LZTFL1: variants seen among roughly 807,000 people sequenced by gnomAD.
The protein encoded by LZTFL1 is leucine zipper transcription factor-like protein 1.
Under a neutral mutation model 45.9 loss-of-function variants are expected in LZTFL1, and 25 were observed. The observed-to-expected ratio is 0.54, with a 90% confidence interval of 0.40 to 0.76. LZTFL1 has a LOEUF of 0.76. Among genes scored for constraint, LZTFL1 ranks in the 30% least tolerant of loss-of-function variants. The probability of loss-of-function intolerance (pLI) is 0.00; values close to 1 mark genes in which losing one functional copy is unlikely to be tolerated. For synonymous variants in LZTFL1, 93 were observed against 117.4 expected, an observed-to-expected ratio of 0.79 and a Z score of 1.35; for missense variants, 277 against 331.1, an observed-to-expected ratio of 0.84 and a Z score of 1.27.
chr3:45,898,532 C>T (rs776845676), intron 2 of LZTFL1, among the ~76,000 whole-genome samples: 8 of 152,216 alleles, frequency 5.3e-5, no homozygotes, highest in East Asian at 1.9e-4. Context: ...CCTGAAGAGC[C>T]GCCTCCAGGA....
chr3:45,855,938 AT>A (rs1197307641), intron 3 of LZTFL1, among the ~76,000 whole-genome samples: 1 of 152,248 alleles, frequency 6.6e-6, no homozygotes, highest in Non-Finnish European at 1.5e-5. Context: ...ATGCTTATGG[AT>A]AGGAAGAATC....
At chr3:45,839,970 C>T (rs912638501) in intron 1 of LZTFL1, among the ~76,000 whole-genome samples, 2 of 152,230 alleles carry the variant, frequency 1.3e-5, no homozygotes, top group African/African-American at 4.8e-5. Flanking sequence ...GGTACCGTCA[C>T]AGGCTGATTA....
Position 45,900,722 on chromosome 3 carries a change from G to A in LZTFL1, c.-215+12398C>T. On this transcript the variant is annotated intron_variant, in intron 2 of 4. Transcript: ENST00000472635. This position sits in a 1 kb window ranked among gnomAD's most constrained non-coding sequence, Gnocchi z 4.7. ...GCCTTATCATAGGTGTTTGGGGTTGGAAGGGTCAAGAGGTCCATGCCTCTG... is the reference window on the plus strand; with the variant it reads ...GCCTTATCATAGGTGTTTGGGGTTGAAAGGGTCAAGAGGTCCATGCCTCTG... The A allele has an allele frequency of 1.4e-6, 2 of 1,380,768 alleles. No homozygotes were observed. The highest frequency in any genetic ancestry group is 2.0e-6 in the Non-Finnish European group (2 of 1,015,098). 85.5% of individuals were successfully genotyped at this position (1,380,768 alleles called of 1,614,324 possible). A position where few individuals can be genotyped will look rare whatever the true frequency, so the allele number is the denominator to read the frequency against.
chr3:45,903,961 G>A (rs1702630496), intron 2 of LZTFL1, among the ~76,000 whole-genome samples: 2 of 152,230 alleles, frequency 1.3e-5, no homozygotes, highest in African/African-American at 2.4e-5. Flanking sequence ...GTGCAGTTAG[G>A]TGCAAAGAAC....
chr3:45,827,714 TATG>T (rs1423273674), intron 8 of LZTFL1, among the ~76,000 whole-genome samples: 1 of 152,204 alleles, frequency 6.6e-6, no homozygotes, highest in Non-Finnish European at 1.5e-5. Flanking sequence ...AAGCCCTGGA[TATG>T]ATAAATCTAT....
intron 2 of LZTFL1, among the ~76,000 whole-genome samples, chr3:45,867,163 A>C (rs1320331415): frequency 4.0e-5 from 6 of 151,744 alleles, no homozygotes; most frequent in Non-Finnish European, 8.8e-5. Flanking sequence ...AAAAAAAAAA[A>C]AAAAAAAACC....
At chr3:45,859,129 A>G (rs7614952) in intron 2 of LZTFL1, 109,759 of 152,218 alleles carry the variant, frequency 0.72, 39,794 homozygotes, top group South Asian at 0.91. Flanking sequence ...CACAACATGT[A>G]AGGCAGAAAT....
chr3:45,884,651 G>C (rs999814062), intron 2 of LZTFL1, among the ~76,000 whole-genome samples: 1 of 152,024 alleles, frequency 6.6e-6, no homozygotes, highest in East Asian at 1.9e-4. Context: ...TGTCTACCTT[G>C]TATGCTCTTA....
intron 2 of LZTFL1, among the ~76,000 whole-genome samples, chr3:45,905,576 C>T (rs993790386): frequency 6.6e-6 from 1 of 152,338 alleles, no homozygotes; most frequent in East Asian, 1.9e-4. Context: ...GTATGGTCGG[C>T]ACAGGCCCTC....
At chr3:45,896,761 T>C (rs1702369612) in intron 2 of LZTFL1, among the ~76,000 whole-genome samples, 1 of 152,190 alleles carries the variant, frequency 6.6e-6, no homozygotes. Flanking sequence ...ATTCATTTTT[T>C]CCCCACCTCC....
At chr3:45,915,295 C>G (rs1474609637) in intron 1 of LZTFL1, 10 of 305,756 alleles carry the variant, frequency 3.3e-5, no homozygotes, top group Non-Finnish European at 4.7e-5. Flanking sequence ...TCTGTTACCC[C>G]TCTTTTCTCA....
upstream of LZTFL1, among the ~76,000 whole-genome samples, chr3:45,844,453 TA>T (rs780715566): frequency 3.0e-3 from 445 of 146,376 alleles, 3 homozygotes; most frequent in South Asian, 0.029. Context: ...AATGATTAAG[TA>T]AAAAAAAAAT....
chr3:45,840,393 T>A (rs1701077088), intron 1 of LZTFL1, among the ~76,000 whole-genome samples: 1 of 152,210 alleles, frequency 6.6e-6, no homozygotes, highest in Non-Finnish European at 1.5e-5. Context: ...ATATGTGGTA[T>A]AATAGACAAA....
At chr3:45,862,867 A>G (rs1203761474) in intron 2 of LZTFL1, among the ~76,000 whole-genome samples, 1 of 152,222 alleles carries the variant, frequency 6.6e-6, no homozygotes, top group Non-Finnish European at 1.5e-5. Context: ...GGGAGCACAG[A>G]TATAAGTAAT....
intron 2 of LZTFL1, among the ~76,000 whole-genome samples, chr3:45,870,926 G>C (rs866459505): frequency 7.9e-5 from 12 of 152,248 alleles, no homozygotes; most frequent in Middle Eastern, 3.4e-3. Flanking sequence ...TGAGTGTTTT[G>C]TTTTTATCAG....
At chr3:45,865,438 G>A (rs952800389) in intron 2 of LZTFL1, among the ~76,000 whole-genome samples, 7 of 152,228 alleles carry the variant, frequency 4.6e-5, no homozygotes, top group African/African-American at 1.2e-4. Flanking sequence ...TCACTTACAC[G>A]CACTACATGC....
chr3:45,895,315 T>C (rs1239729917), intron 2 of LZTFL1, among the ~76,000 whole-genome samples: 1 of 152,226 alleles, frequency 6.6e-6, no homozygotes, highest in Non-Finnish European at 1.5e-5. Flanking sequence ...AAAAAACCCA[T>C]GGTGGGCACA....
At chr3:45,891,582 C>T (rs1702180612) in intron 2 of LZTFL1, among the ~76,000 whole-genome samples, 1 of 152,172 alleles carries the variant, frequency 6.6e-6, no homozygotes. Flanking sequence ...TCCTGTAAAA[C>T]CACAATGCAG....
At chr3:45,832,020 G>T (rs1700836012) in intron 5 of LZTFL1, among the ~76,000 whole-genome samples, 1 of 152,186 alleles carries the variant, frequency 6.6e-6, no homozygotes, top group Non-Finnish European at 1.5e-5. Context: ...CGTATCACAA[G>T]ATCAGGAGAT....
Sources: allele counts gnomAD v4.1 joint callset (sites outside exome capture counted in the v4.1 genomes callset), GRCh38; gene constraint gnomAD v4.1.1; non-coding constraint Gnocchi (gnomAD v3.1); transcripts MANE v1.5; gene names NCBI Gene and HGNC (gene_info 2026-07-23, HGNC 2026-07-21).